Variants in RBFOX1 observed in about 807,000 individuals in gnomAD.
RBFOX1 encodes the protein RNA binding protein fox-1 homolog 1.
In RBFOX1, 8 loss-of-function variants were observed where a neutral mutation model predicts 57.7. That is an observed-to-expected ratio of 0.14 (90% CI 0.08 to 0.25). RBFOX1 has a LOEUF of 0.25. Ranked by LOEUF, RBFOX1 falls within the 10% of genes least tolerant of loss-of-function variation. RBFOX1 has a pLI of 1.00. For synonymous variants in RBFOX1, 326 were observed against 222.4 expected (o/e 1.47, Z -4.15); for missense variants, 611 against 548.5 (o/e 1.11, Z -1.14).
chr16:5,937,038 A>C (rs2059181920), intron 4 of RBFOX1, among the ~76,000 whole-genome samples: 1 of 152,142 alleles, frequency 6.6e-6, no homozygotes, highest in South Asian at 2.1e-4. Flanking sequence ...CTCATCTGTC[A>C]AATGGGGATA....
intron 3 of RBFOX1, among the ~76,000 whole-genome samples, chr16:7,008,474 A>T (rs2093427670): frequency 6.6e-6 from 1 of 152,088 alleles, no homozygotes; most frequent in African/African-American, 2.4e-5. Flanking sequence ...TAGGAAGCAA[A>T]GGTTGCAGTG....
intron 3 of RBFOX1, among the ~76,000 whole-genome samples, chr16:6,948,375 C>CTTTCTTTTTTTTTT (rs2079989962): frequency 1.5e-5 from 1 of 67,968 alleles, no homozygotes; most frequent in African/African-American, 6.7e-5. Context: ...TTCTCCCTTT[C>CTTTCTTTTTTTTTT]TTTTTTTTTT....
At chr16:6,131,857 C>G (rs1209086804) in intron 1 of RBFOX1, among the ~76,000 whole-genome samples, 5 of 152,152 alleles carry the variant, frequency 3.3e-5, no homozygotes, top group African/African-American at 1.2e-4. Context: ...CTCTGGCTCT[C>G]TGTAGGCGGC....
At chr16:5,620,495 C>T (rs1472739271) in intron 3 of RBFOX1, among the ~76,000 whole-genome samples, 8 of 152,126 alleles carry the variant, frequency 5.3e-5, no homozygotes, top group Non-Finnish European at 1.0e-4. Context: ...TTCTGGAGGC[C>T]AGAAACCTGA....
At chr16:5,540,872 C>T (rs1299295140) in intron 2 of RBFOX1, among the ~76,000 whole-genome samples, 3 of 152,150 alleles carry the variant, frequency 2.0e-5, no homozygotes, top group Non-Finnish European at 2.9e-5. Context: ...TGTTTTTAGA[C>T]AGAGTCTTGC....
chr16:6,876,998 A>G (rs1045038390), intron 3 of RBFOX1, among the ~76,000 whole-genome samples: 3 of 152,200 alleles, frequency 2.0e-5, no homozygotes, highest in African/African-American at 4.8e-5. Flanking sequence ...CAGTGGAGCA[A>G]CAAATGCATA....
At chr16:6,979,996 C>T (rs1190850380) in intron 3 of RBFOX1, among the ~76,000 whole-genome samples, 1 of 152,104 alleles carries the variant, frequency 6.6e-6, no homozygotes, top group Non-Finnish European at 1.5e-5. Context: ...AACACCGTTT[C>T]TCCTTCCCAG....
At chr16:6,963,400 A>C (rs2153553748) in intron 3 of RBFOX1, among the ~76,000 whole-genome samples, 1 of 152,310 alleles carries the variant, frequency 6.6e-6, no homozygotes, top group East Asian at 1.9e-4. Context: ...ACACACTTGA[A>C]ATAAAAATGT....
chr16:5,261,200 T>A (rs2062723057), intron 1 of RBFOX1, among the ~76,000 whole-genome samples: 1 of 152,198 alleles, frequency 6.6e-6, no homozygotes, highest in South Asian at 2.1e-4. Context: ...GGAAACTAGT[T>A]ATTTCTAGGT....
At chr16:6,085,957 T>G (rs1160253088) in intron 1 of RBFOX1, among the ~76,000 whole-genome samples, 1 of 152,258 alleles carries the variant, frequency 6.6e-6, no homozygotes, top group African/African-American at 2.4e-5. Context: ...ATTAGCCATT[T>G]ATCCTGATGC....
intron 3 of RBFOX1, among the ~76,000 whole-genome samples, chr16:5,856,187 C>CTCTCTCTCTCTCTCTATATATA (rs1430331422): frequency 6.4e-5 from 2 of 31,068 alleles, no homozygotes; most frequent in African/African-American, 2.8e-4. Context: ...CTCTCTCTCT[C>CTCTCTCTCTCTCTCTATATATA]TATATATATA....
At position 7,447,691 on chromosome 16, in the gene RBFOX1, G is replaced by A. The variant is rs1237192404; in HGVS notation, c.28-70456G>A. On this transcript the variant is annotated intron_variant, in intron 4 of 15. Coordinates refer to ENST00000550418, the MANE Select transcript of RBFOX1 (RefSeq NM_018723.4). ...TTCCTGTCTATGAACCTCTGCCTCT[G>A]TTGGCCTAGTCTCTCACTATCCTCT... 2.6e-5 allele frequency among the ~76,000 whole-genome samples: 4 copies of A among 151,702 alleles called. No individual in the cohort carries two copies. In the South Asian group the frequency reaches 8.3e-4, roughly 31 times the overall value.
At chr16:5,933,592 A>G (rs2059111908) in intron 4 of RBFOX1, among the ~76,000 whole-genome samples, 1 of 152,156 alleles carries the variant, frequency 6.6e-6, no homozygotes, top group Non-Finnish European at 1.5e-5. Flanking sequence ...AGGGAGGCCA[A>G]GCTATTGTCT....
intron 5 of RBFOX1, among the ~76,000 whole-genome samples, chr16:7,529,917 G>A (rs1017092552): frequency 2.0e-5 from 3 of 149,820 alleles, no homozygotes; most frequent in African/African-American, 7.4e-5. Context: ...GCGGAGGCAG[G>A]AGAATCACTT....
chr16:5,663,527 A>G (rs928209703), intron 3 of RBFOX1, among the ~76,000 whole-genome samples: 2 of 152,166 alleles, frequency 1.3e-5, no homozygotes, highest in African/African-American at 4.8e-5. Context: ...TGAATAGCCA[A>G]TTGAAATAGC....
At chr16:6,318,249 C>T (rs58150064) in intron 2 of RBFOX1, among the ~76,000 whole-genome samples, 171 of 152,246 alleles carry the variant, frequency 1.1e-3, no homozygotes, top group African/African-American at 4.0e-3. Flanking sequence ...AGCTTTTGTT[C>T]CTAATAATAA....
At chr16:7,159,722 G>C (rs1260821877) in intron 4 of RBFOX1, among the ~76,000 whole-genome samples, 2 of 152,102 alleles carry the variant, frequency 1.3e-5, no homozygotes, top group Non-Finnish European at 2.9e-5. Context: ...CTAGTCTGTT[G>C]GATAGCCTGA....
chr16:6,626,658 G>A (rs1340266087), intron 2 of RBFOX1, among the ~76,000 whole-genome samples: 1 of 152,120 alleles, frequency 6.6e-6, no homozygotes, highest in Non-Finnish European at 1.5e-5. Context: ...TACTCAGGAG[G>A]CTGAGGCAGG....
intron 5 of RBFOX1, among the ~76,000 whole-genome samples, chr16:7,526,442 T>C (rs1016309373): frequency 6.6e-6 from 1 of 152,208 alleles, no homozygotes; most frequent in South Asian, 2.1e-4. Flanking sequence ...AAGCTGACCA[T>C]TGAACCTCTC....
Sources: gnomAD v4.1 joint callset for allele counts (sites outside exome capture counted in the v4.1 genomes callset) on GRCh38, gnomAD v4.1.1 for gene constraint, MANE v1.5 for transcripts, NCBI Gene and HGNC (gene_info 2026-07-23, HGNC 2026-07-21) for gene names.